The following CACNA1G variants were observed in gnomAD, a reference collection of about 807,000 sequenced individuals.
The protein encoded by CACNA1G is calcium voltage-gated channel subunit alpha1 G.
Under a neutral mutation model 219.4 loss-of-function variants are expected in CACNA1G, and 67 were observed. The ratio of observed to expected loss-of-function variants is 0.31; its 90% CI spans 0.25 to 0.37. CACNA1G has a LOEUF of 0.37. Among genes scored for constraint, CACNA1G ranks in the 10% least tolerant of loss-of-function variants. The pLI, the probability that CACNA1G is intolerant of heterozygous loss-of-function variation, is 1.00. For missense variants in CACNA1G, 2,380 were observed against 3,231.4 expected (o/e 0.74, Z 6.39); for synonymous variants, 1,296 against 1,345.3 (o/e 0.96, Z 0.80).
At chr17:50,601,025 C>A in intron 18 of CACNA1G, 26 bp from the exon 19 acceptor site, 1 of 1,609,916 alleles carries the variant, frequency 6.2e-7, no homozygotes, top group South Asian at 1.1e-5. Context: ...CTCCCCCTCT[C>A]AGCCGTTGCC....
In CACNA1G at chr17:50,616,529, C is replaced by A. The variant is rs113688153; in HGVS notation, c.5021+145C>A. The A allele has an allele frequency of 1.5e-3, 829 of 547,288 alleles. 5 individuals carry two copies. The highest frequency in any genetic ancestry group is 0.014 in the African/African-American group (742 of 52,498). 33.9% of individuals were successfully genotyped at this position (547,288 alleles called of 1,614,324 possible). A position where few individuals can be genotyped will look rare whatever the true frequency, so the allele number is the denominator to read the frequency against. On this transcript the variant is annotated intron_variant, in intron 28 of 37. Transcript: ENST00000359106. ...CCCACCCTGTGGCTGACGTAGGGGA[C>A]TAGGGGATGGGAAGGCATGGTCTCC...
In CACNA1G at chr17:50,621,648, C is replaced by T. The variant is rs779632754; in HGVS notation, c.5926-12C>T. 4 of 1,613,478 alleles carry T rather than the reference C, an allele frequency of 2.5e-6. 1 individual carries two copies. In the South Asian group the frequency reaches 3.3e-5, roughly 13 times the overall value. On this transcript the variant is annotated splice_polypyrimidine_tract_variant and intron_variant, in intron 34 of 37. Transcript: ENST00000359106. The surrounding 1 kb of genome is among the most constrained non-coding windows in gnomAD (Gnocchi z 4.6). The stretch of plus-strand genomic sequence containing the variant: ...TGGTTTCTCATGCCTGATCATCTCT[C>T]TCCCTGTCTAGATCCCTCTAGCTGA...
chr17:50,578,201 C>A lies in CACNA1G; in HGVS notation c.1938C>A (p.Ser646Arg). The A allele has an allele frequency of 6.3e-7, 1 of 1,580,438 alleles. No individual in the cohort carries two copies. The highest frequency in any genetic ancestry group is 1.1e-5 in the South Asian group (1 of 87,256). The change falls in exon 9 of 38, where the codon AGC (serine) becomes AGA (arginine). Residue 646 changes from serine to arginine, a missense_variant. Around this residue, in one of 17 missense-constraint regions of CACNA1G, gnomAD observed 434 missense variants for 417.3 expected, o/e 1.04. Transcript: ENST00000359106. The surrounding 1 kb of genome is among the most constrained non-coding windows in gnomAD (Gnocchi z 4.5). ...CTCCTGTTCCAGGTGCCTGCCAAAG[C>A]TCTTGCAAGATCTCCAGCCCTTGCT... The part of the protein sequence containing the change: ...LETQSTGACQ[S>R]SCKISSPCLK...
intron 1 of CACNA1G, among the ~76,000 whole-genome samples, chr17:50,567,462 T>C (rs1198833522): frequency 2.0e-5 from 3 of 152,070 alleles, no homozygotes; most frequent in Non-Finnish European, 4.4e-5. Context: ...AGATGGGCTA[T>C]GGCTGGGACC....
At chr17:50,609,982 C>T in intron 26 of CACNA1G, 47 bp downstream of exon 26, 10 of 1,553,166 alleles carry the variant, frequency 6.4e-6, no homozygotes, top group Non-Finnish European at 8.8e-6. Context: ...ACATGCTCTT[C>T]ACTCCCTCCC....
chr17:50,600,682 C>A lies in CACNA1G; in HGVS notation c.3691-44C>A. The A allele has an allele frequency of 6.5e-7, 1 of 1,541,604 alleles. No homozygotes were observed. Among genetic ancestry groups the A allele is most frequent in the Non-Finnish European group, 9.0e-7 (1 of 1,114,798 alleles). ...TGCTGAGGAGCCAGGAGCCGGGGAA[C>A]CTGGAGGCCTGGTCCTGCTCATACT... On this transcript the variant is annotated intron_variant, in intron 17 of 37. Coordinates refer to ENST00000359106, the MANE Select transcript of CACNA1G (RefSeq NM_018896.5). This position sits in a 1 kb window ranked among gnomAD's most constrained non-coding sequence, Gnocchi z 4.1.
chr17:50,618,958 C>A lies in CACNA1G; in HGVS notation c.5731C>A (p.Pro1911Thr). The A allele has an allele frequency of 6.3e-7, 1 of 1,575,102 alleles. No individual in the cohort carries two copies. The highest frequency in any genetic ancestry group is 1.4e-5 in the African/African-American group (1 of 73,966). ...PDSPKPGALH[P>T]AAHARSASHF... Reference sequence around the variant, plus strand: ...CAGCCCCAAGCCTGGGGCTCTGCACCCAGCGGCCCACGCGAGATCAGCCTC... The same window carrying A: ...CAGCCCCAAGCCTGGGGCTCTGCACACAGCGGCCCACGCGAGATCAGCCTC... Residue 1911 changes from proline (P) to threonine (T), a missense_variant, in exon 33 of 38, where the codon CCA (proline) becomes ACA (threonine). Pro to Thr is a conservative substitution (Grantham distance 38, BLOSUM62 -1). Transcript: ENST00000359106. This position sits in a 1 kb window ranked among gnomAD's most constrained non-coding sequence, Gnocchi z 5.3.
In CACNA1G at chr17:50,603,234, A is replaced by C. The variant is rs769239987; in HGVS notation, c.4169+35A>C. On this transcript the variant is annotated intron_variant, in intron 21 of 37. Coordinates refer to ENST00000359106, the MANE Select transcript of CACNA1G (RefSeq NM_018896.5). The surrounding 1 kb of genome is among the most constrained non-coding windows in gnomAD (Gnocchi z 6.4). ...TCCCCAGCACTGGAACACCTCCAAGAGGTGGCCCCCTCCGCAGGGACATCT... is the reference window on the plus strand; with the variant it reads ...TCCCCAGCACTGGAACACCTCCAAGCGGTGGCCCCCTCCGCAGGGACATCT... 62 of 1,576,354 alleles carry C rather than the reference A, an allele frequency of 3.9e-5. No homozygotes were observed. The highest frequency in any genetic ancestry group is 5.1e-5 in the Non-Finnish European group (59 of 1,164,680).
At position 50,625,980 on chromosome 17, in the gene CACNA1G, G is replaced by A. The variant is rs1336851295; in HGVS notation, c.6400-37G>A. 1.9e-6 allele frequency: 3 copies of A among 1,563,228 alleles called. No homozygotes were observed. In the East Asian group the frequency reaches 6.8e-5, roughly 35 times the overall value. ...AGGAGGGCTAGTCCATGCTGGAGAG[G>A]AGACTGCTGGGCTGAGCCCTCCCCC... On this transcript the variant is annotated intron_variant, in intron 37 of 37. Coordinates refer to ENST00000359106, the MANE Select transcript of CACNA1G (RefSeq NM_018896.5).
chr17:50,597,742 C>A (rs2045854336), intron 16 of CACNA1G, among the ~76,000 whole-genome samples: 1 of 152,186 alleles, frequency 6.6e-6, no homozygotes, highest in Non-Finnish European at 1.5e-5. Flanking sequence ...TTGATTCCTC[C>A]TGTCCAACTG....
chr17:50,573,344 T>A, intron 7 of CACNA1G: 1 of 522,196 alleles, frequency 1.9e-6, no homozygotes, highest in East Asian at 3.2e-5. Flanking sequence ...TCATTCTCCA[T>A]GAGGCCTCCA....
At chr17:50,573,323 C>A (rs1028295620) in intron 7 of CACNA1G, 4 of 547,400 alleles carry the variant, frequency 7.3e-6, no homozygotes, top group East Asian at 6.1e-5. Context: ...GCTATTGGGA[C>A]CTTGGGCAAG....
chr17:50,590,707 C>A, intron 10 of CACNA1G, 85 bp downstream of exon 10: 1 of 1,359,910 alleles, frequency 7.4e-7, no homozygotes, highest in Non-Finnish European at 1.0e-6. Flanking sequence ...ACCTATTCCC[C>A]TGGGGTGGAG....
intron 9 of CACNA1G, among the ~76,000 whole-genome samples, chr17:50,583,841 T>C (rs984002442): frequency 1.3e-5 from 2 of 152,182 alleles, no homozygotes; most frequent in African/African-American, 4.8e-5. Flanking sequence ...AAGCCGGTGC[T>C]TCCCATTGGT....
At chr17:50,563,465 G>GA in intron 1 of CACNA1G, among the ~76,000 whole-genome samples, 1 of 152,340 alleles carries the variant, frequency 6.6e-6, no homozygotes, top group African/African-American at 2.4e-5. Flanking sequence ...CCACGAATGG[G>GA]AAAAAGCATC....
chr17:50,561,111 C>T lies in CACNA1G; in HGVS notation c.-349C>T. On this transcript the variant is annotated 5_prime_UTR_variant, in exon 1 of 38. Transcript: ENST00000359106. ...CCCCTTTTCGTTCGCCCTCTCGGGG[C>T]GGCTTCGCCGAAGGTAGCGCCGAAT... 1 of 447,838 alleles carries T rather than the reference C, an allele frequency of 2.2e-6. No individual in the cohort carries two copies. The highest frequency in any genetic ancestry group is 4.3e-6 in the Non-Finnish European group (1 of 233,026). The allele number at this position is 447,838 out of a possible 1,614,324, so 27.7% of individuals were successfully genotyped here. A position where few individuals can be genotyped will look rare whatever the true frequency, so the allele number is the denominator to read the frequency against.
Position 50,626,105 on chromosome 17 carries a change from T to A in CACNA1G, c.6488T>A (p.Leu2163Gln). ...GAGGTGAGTGGGCCCTCCCCGCCCC[T>A]GGCCCGGGCCTACTCTTTCTGGGGC... ...LAEVSGPSPP[L>Q]ARAYSFWGQS... Residue 2163 changes from leucine to glutamine, a missense_variant, in exon 38 of 38, where the codon CTG becomes CAG. Physicochemically the swap from Leu to Gln is moderately radical, Grantham distance 113. Coordinates refer to ENST00000359106, the MANE Select transcript of CACNA1G (RefSeq NM_018896.5). The surrounding 1 kb of genome is among the most constrained non-coding windows in gnomAD (Gnocchi z 4.3). 6.2e-7 allele frequency: 1 copy of A among 1,613,406 alleles called. No homozygotes were observed. Among genetic ancestry groups the A allele is most frequent in the Non-Finnish European group, 8.5e-7 (1 of 1,179,774 alleles).
intron 1 of CACNA1G, among the ~76,000 whole-genome samples, chr17:50,566,084 G>A (rs1178458273): frequency 6.6e-6 from 1 of 152,138 alleles, no homozygotes. Context: ...CCCCCAACCT[G>A]ATAACCTGTG....
intron 34 of CACNA1G, among the ~76,000 whole-genome samples, chr17:50,620,231 C>T (rs925421881): frequency 6.6e-6 from 1 of 152,230 alleles, no homozygotes; most frequent in African/African-American, 2.4e-5. Flanking sequence ...CCAGGGAGCC[C>T]GCTGCCAAGC....
Sources: allele counts gnomAD v4.1 joint callset (sites outside exome capture counted in the v4.1 genomes callset), GRCh38; gene constraint gnomAD v4.1.1; regional missense constraint gnomAD v4.1.1; non-coding constraint Gnocchi (gnomAD v3.1); transcripts MANE v1.5; gene names NCBI Gene and HGNC (gene_info 2026-07-23, HGNC 2026-07-21).